The following PTPRK variants were observed in gnomAD, a reference collection of about 807,000 sequenced individuals.
PTPRK encodes receptor-type tyrosine-protein phosphatase kappa.
Under a neutral mutation model 178.0 loss-of-function variants are expected in PTPRK, and 75 were observed. That is an observed-to-expected ratio of 0.42 (90% CI 0.35 to 0.51). The LOEUF (loss-of-function observed/expected upper bound fraction) is 0.51, where lower values mean the gene tolerates loss of function less well. PTPRK is among the 20% of genes least tolerant of loss of function. The pLI is 0.02. For missense variants in PTPRK, 1,441 were observed against 1,797.8 expected (o/e 0.80, Z 3.59); for synonymous variants, 637 against 620.6 (o/e 1.03, Z -0.39).
intron 1 of PTPRK, among the ~76,000 whole-genome samples, chr6:128,470,233 G>C (rs1850433899): frequency 6.7e-6 from 1 of 149,526 alleles, no homozygotes; most frequent in Non-Finnish European, 1.5e-5. Context: ...AAAACAATTA[G>C]TTATTCATCC....
At chr6:128,018,901 A>G (rs1358722988) in intron 13 of PTPRK, among the ~76,000 whole-genome samples, 1 of 152,146 alleles carries the variant, frequency 6.6e-6, no homozygotes, top group Non-Finnish European at 1.5e-5. Context: ...GGTACAAAAC[A>G]TTGTACTAGG....
At position 128,463,597 on chromosome 6, in the gene PTPRK, T is replaced by G. The variant is rs560848881; in HGVS notation, c.100+56662A>C. Among the ~76,000 whole-genome samples the G allele has an allele frequency of 1.7e-3, 252 of 152,296 alleles. 1 individual carries two copies. The highest frequency in any genetic ancestry group is 5.4e-3 in the South Asian group (26 of 4,830). On this transcript the variant is annotated intron_variant, in intron 1 of 29. Transcript: ENST00000368226. ...TAAGTAGTTTTATATAAAACAAGTT[T>G]ATACTTTAAAGATATGCACCTTTCC...
intron 4 of PTPRK, among the ~76,000 whole-genome samples, chr6:128,241,594 T>C (rs17055477): frequency 0.096 from 14,565 of 152,212 alleles, 1,528 homozygotes; most frequent in East Asian, 0.34. Context: ...TTGGGAAATA[T>C]AGGCAAAGTC....
chr6:128,363,521 C>T (rs1226967578), intron 2 of PTPRK, among the ~76,000 whole-genome samples: 1 of 152,158 alleles, frequency 6.6e-6, no homozygotes, highest in African/African-American at 2.4e-5. Flanking sequence ...TTGGTCATAT[C>T]AATGGTCTGT....
chr6:128,395,240 C>T (rs2128367345), intron 2 of PTPRK, among the ~76,000 whole-genome samples: 1 of 152,272 alleles, frequency 6.6e-6, no homozygotes, highest in Non-Finnish European at 1.5e-5. Flanking sequence ...AGTGCTTTCT[C>T]TCACCTCTCT....
chr6:128,244,740 T>A (rs1279387892), intron 3 of PTPRK, among the ~76,000 whole-genome samples: 1 of 152,160 alleles, frequency 6.6e-6, no homozygotes, highest in Non-Finnish European at 1.5e-5. Context: ...ACTGAAAACC[T>A]CTAGTAGGAG....
At chr6:128,361,146 G>A (rs1043393969) in intron 2 of PTPRK, among the ~76,000 whole-genome samples, 1 of 152,048 alleles carries the variant, frequency 6.6e-6, no homozygotes. Context: ...AGAAATTACT[G>A]CAACCATTCA....
At chr6:128,160,670 T>A (rs946636996) in intron 7 of PTPRK, among the ~76,000 whole-genome samples, 4 of 151,672 alleles carry the variant, frequency 2.6e-5, no homozygotes, top group African/African-American at 7.2e-5. Flanking sequence ...CCTAAGCTCA[T>A]GAGGTTGCTA....
chr6:128,184,070 C>T (rs1003572548), intron 7 of PTPRK, among the ~76,000 whole-genome samples: 3 of 152,106 alleles, frequency 2.0e-5, no homozygotes, highest in Non-Finnish European at 4.4e-5. Flanking sequence ...AGAATTTCCA[C>T]GTAGTAAAAA....
intron 2 of PTPRK, among the ~76,000 whole-genome samples, chr6:128,322,706 T>A (rs1828991892): frequency 7.1e-6 from 1 of 141,778 alleles, no homozygotes; most frequent in African/African-American, 2.7e-5. Flanking sequence ...ACAAAAGCGA[T>A]ACATTATTGG....
chr6:128,177,268 C>T (rs1345340691), intron 7 of PTPRK, among the ~76,000 whole-genome samples: 2 of 151,640 alleles, frequency 1.3e-5, no homozygotes, highest in Non-Finnish European at 3.0e-5. Flanking sequence ...TCATTTAAGA[C>T]ATTATAAATA....
At chr6:128,441,274 GTT>G (rs201554767) in intron 1 of PTPRK, among the ~76,000 whole-genome samples, 2,515 of 152,190 alleles carry the variant, frequency 0.017, 29 homozygotes, top group Non-Finnish European at 0.027. Context: ...AGCATTCCAT[GTT>G]TTCTAAGGAG....
chr6:128,195,829 A>C (rs561716358), intron 6 of PTPRK, among the ~76,000 whole-genome samples: 2 of 152,124 alleles, frequency 1.3e-5, no homozygotes, highest in Non-Finnish European at 2.9e-5. Flanking sequence ...GCTTATATAG[A>C]TCCAACTAAG....
chr6:128,427,747 C>A (rs1366355858), intron 1 of PTPRK, among the ~76,000 whole-genome samples: 1 of 152,128 alleles, frequency 6.6e-6, no homozygotes, highest in Non-Finnish European at 1.5e-5. Flanking sequence ...CTCCACATAG[C>A]CTCCACACAG....
chr6:128,139,891 T>TG (rs1042586591), intron 7 of PTPRK, among the ~76,000 whole-genome samples: 2 of 151,636 alleles, frequency 1.3e-5, no homozygotes, highest in Non-Finnish European at 2.9e-5. Flanking sequence ...AGCAACATTT[T>TG]TTTTTAATCC....
intron 27 of PTPRK, among the ~76,000 whole-genome samples, chr6:127,976,306 T>A (rs1407715729): frequency 6.6e-6 from 1 of 152,136 alleles, no homozygotes; most frequent in East Asian, 1.9e-4. Context: ...TTTTATCACA[T>A]GCCATTTCTG....
intron 1 of PTPRK, among the ~76,000 whole-genome samples, chr6:128,403,879 T>C (rs1430077990): frequency 1.3e-5 from 2 of 152,182 alleles, no homozygotes; most frequent in Admixed American, 1.3e-4. Flanking sequence ...TTAGTAAATG[T>C]TTCCAGTTTT....
intron 1 of PTPRK, among the ~76,000 whole-genome samples, chr6:128,489,952 G>T (rs1019123915): frequency 2.0e-5 from 3 of 152,006 alleles, no homozygotes. Flanking sequence ...ATTTCTTCAG[G>T]TATGCTGAAG....
chr6:128,341,117 A>G (rs1831600880), intron 2 of PTPRK, among the ~76,000 whole-genome samples: 1 of 152,106 alleles, frequency 6.6e-6, no homozygotes, highest in Non-Finnish European at 1.5e-5. Flanking sequence ...TGCTTATGGT[A>G]TGTGTTATTT....
Sources: allele counts gnomAD v4.1 joint callset (sites outside exome capture counted in the v4.1 genomes callset), GRCh38; gene constraint gnomAD v4.1.1; transcripts MANE v1.5; gene names NCBI Gene and HGNC (gene_info 2026-07-23, HGNC 2026-07-21).